SSC5D: variants seen among roughly 807,000 people sequenced by gnomAD.
The protein encoded by SSC5D is scavenger receptor cysteine rich family member with 5 domains, also known as soluble scavenger receptor cysteine-rich domain-containing protein SSC5D.
SSC5D carries 106 observed loss-of-function variants against 104.6 expected under a neutral mutation model. That is an observed-to-expected ratio of 1.01 (90% CI 0.87 to 1.19). The LOEUF (loss-of-function observed/expected upper bound fraction) is 1.19. SSC5D is among the 50% of genes most tolerant of loss of function. The pLI, the probability that SSC5D is intolerant of heterozygous loss-of-function variation, is 0.00. For synonymous variants in SSC5D, 860 were observed against 883.5 expected (o/e 0.97, Z 0.47); for missense variants, 1,993 against 2,153.8 (o/e 0.93, Z 1.48).
Position 55,493,919 on chromosome 19 carries a change from G to A in SSC5D, c.1213+7G>A. 2 of 1,539,318 alleles carry A rather than the reference G, an allele frequency of 1.3e-6. No homozygotes were observed. The highest frequency in any genetic ancestry group is 1.7e-6 in the Non-Finnish European group (2 of 1,145,928). ...GCCGGGGCCGTGTGTGACGGTGAGGGGGTTGTGGTGGAGGACCGGGAGGTG... is the reference window on the plus strand; with the variant it reads ...GCCGGGGCCGTGTGTGACGGTGAGGAGGTTGTGGTGGAGGACCGGGAGGTG... On this transcript the variant is annotated splice_region_variant and intron_variant, in intron 7 of 13. Coordinates refer to ENST00000389623, the MANE Select transcript of SSC5D (RefSeq NM_001144950.2).
chr19:55,507,339 CAAAAAA>C (rs36021371), intron 12 of SSC5D, among the ~76,000 whole-genome samples: 6 of 32,748 alleles, frequency 1.8e-4, no homozygotes, highest in Non-Finnish European at 3.4e-4. Context: ...GACCCCGTCT[CAAAAAA>C]AAAAAAAAAA....
rs1987456559 is a variant in SSC5D, at chr19:55,500,435, G to C, written c.2302+23G>C. The stretch of plus-strand genomic sequence containing the variant: ...CAGGTGAGTGGCCGTGAGGGGTGTG[G>C]GGAGAGAATGGGAGAGGCTGACCCT... On this transcript the variant is annotated intron_variant, in intron 10 of 13. Transcript: ENST00000389623. This position sits in a 1 kb window ranked among gnomAD's most constrained non-coding sequence, Gnocchi z 4.6. 6.5e-7 allele frequency: 1 copy of C among 1,547,962 alleles called. No individual in the cohort carries two copies. Among genetic ancestry groups the C allele is most frequent in the African/African-American group, 1.4e-5 (1 of 72,968 alleles).
At chr19:55,514,294 A>G (rs1987818969) in intron 13 of SSC5D, among the ~76,000 whole-genome samples, 1 of 151,738 alleles carries the variant, frequency 6.6e-6, no homozygotes, top group Non-Finnish European at 1.5e-5. Flanking sequence ...GGTCCCAGCT[A>G]CTCGGGAGGC....
In SSC5D at chr19:55,518,359, TC is replaced by T. The variant is rs1169321464; in HGVS notation, c.4084del (p.Leu1362CysfsTer5). On this transcript the variant is annotated frameshift_variant, in exon 14 of 14. Transcript: ENST00000389623. LOFTEE classifies it low-confidence loss of function (END_TRUNC). ...CTCTAGCACCAACAGTCAAGCCCAG[TC>T]TGCACCCCCAGTTGACCTTCACAGC... is the stretch of plus-strand genomic sequence containing the variant. The part of the protein sequence containing the change: ...PTLAPTVKPS[L>X]HPQLTFTAPA... 2 of 1,550,448 alleles carry T rather than the reference TC, an allele frequency of 1.3e-6. No homozygotes were observed. The highest frequency in any genetic ancestry group is 2.0e-5 in the Admixed American group (1 of 50,842).
intron 7 of SSC5D, 34 bp downstream of exon 7, chr19:55,493,946 GCGTGGTGGTGC>G: frequency 6.8e-7 from 1 of 1,478,092 alleles, no homozygotes; most frequent in South Asian, 1.2e-5. Context: ...CGGGAGGTGG[GCGTGGTGGTGC>G]TTGGAGCGGA....
Position 55,494,724 on chromosome 19 carries a change from C to T in SSC5D, c.1328C>T (p.Ala443Val). 7 of 1,550,354 alleles carry T rather than the reference C, an allele frequency of 4.5e-6. No individual in the cohort carries two copies. Among genetic ancestry groups the T allele is most frequent in the Non-Finnish European group, 4.4e-6 (5 of 1,146,672 alleles). Residue 443 changes from alanine (A) to valine (V), a missense_variant, in exon 8 of 14, where the codon GCA (alanine) becomes GTA (valine). By Grantham distance (64) the Ala-to-Val change is moderately conservative. Coordinates refer to ENST00000389623, the MANE Select transcript of SSC5D (RefSeq NM_001144950.2). ...ATGACGAGCCAGGCTCCAGGGACGG[C>T]AGGCGTTTCACCTCCTCCAGCCTCC... ...STMTSQAPGT[A>V]GVSPPPASPT...
At chr19:55,498,312 T>G in intron 9 of SSC5D, 115 bp downstream of exon 9, 2 of 1,121,422 alleles carry the variant, frequency 1.8e-6, no homozygotes, top group Non-Finnish European at 1.3e-6. Context: ...CTGTGCTGGG[T>G]GTTTTTGCAC....
chr19:55,490,767 C>G lies in SSC5D; in HGVS notation c.587-5C>G. 5 of 1,516,458 alleles carry G rather than the reference C, an allele frequency of 3.3e-6. No individual in the cohort carries two copies. The highest frequency in any genetic ancestry group is 3.5e-6 in the Non-Finnish European group (4 of 1,134,740). 93.9% of individuals were successfully genotyped at this position (1,516,458 alleles called of 1,614,324 possible). A position where few individuals can be genotyped will look rare whatever the true frequency, so the allele number is the denominator to read the frequency against. On this transcript the variant is annotated splice_polypyrimidine_tract_variant and splice_region_variant and intron_variant, in intron 5 of 13. Transcript: ENST00000389623. ...CACACCGTCCCCTCCCTGCTCACCC[C>G]ACAGAGCGGCTGCGCCTGGTCTCTG... is the stretch of plus-strand genomic sequence containing the variant.
chr19:55,506,539 C>T (rs969174020), intron 12 of SSC5D, among the ~76,000 whole-genome samples: 6 of 151,736 alleles, frequency 4.0e-5, no homozygotes, highest in Non-Finnish European at 8.8e-5. Flanking sequence ...GGACTACAGG[C>T]GCCCACCACT....
intron 9 of SSC5D, 108 bp downstream of exon 9, chr19:55,498,305 T>C (rs1987383042): frequency 8.3e-7 from 1 of 1,207,350 alleles, no homozygotes; most frequent in Non-Finnish European, 1.2e-6. Flanking sequence ...CCCAGCCCTG[T>C]GCTGGGTGTT....
chr19:55,493,981 C>CGGGG (rs1406364930), intron 7 of SSC5D, 69 bp downstream of exon 7: 5 of 44,740 alleles, frequency 1.1e-4, no homozygotes, highest in South Asian at 6.8e-4. Context: ...GCAAGTTCGG[C>CGGGG]GGGGGCGGGG....
In SSC5D at chr19:55,491,092, TG is replaced by T. The variant is rs1987132592; in HGVS notation, c.895+16del. 6.5e-7 allele frequency: 1 copy of T among 1,544,234 alleles called. No individual in the cohort carries two copies. On this transcript the variant is annotated intron_variant, in intron 6 of 13. Transcript: ENST00000389623. ...GCTGGTCTGCACCGGTACGTCGGGC[TG>T]GGGCCTGGCCCCCTCCTGTCTTCCT...
intron 9 of SSC5D, 29 bp from the exon 10 acceptor site, chr19:55,499,787 C>G (rs1599920508): frequency 1.3e-6 from 2 of 1,528,172 alleles, no homozygotes; most frequent in African/African-American, 1.4e-5. Context: ...GTGTCTCTGT[C>G]TTCTCTTCCT....
At position 55,518,533 on chromosome 19, in the gene SSC5D, C is replaced by A. The variant is rs572512299; in HGVS notation, c.4257C>A (p.Asn1419Lys). 1.2e-4 allele frequency: 191 copies of A among 1,549,984 alleles called. 1 individual carries two copies. The South Asian group carries it at 2.1e-3, about 17-fold the overall frequency. Reference protein sequence around the residue: ...DFKPPRSQSPNLTPPPTHTPH... With the variant: ...DFKPPRSQSPKLTPPPTHTPH... The stretch of plus-strand genomic sequence containing the variant: ...AGCCACCCAGAAGCCAGAGCCCCAA[C>A]CTAACCCCTCCACCCACCCATACCC... The change falls in exon 14 of 14, where the codon AAC becomes AAA. Residue 1419 changes from asparagine (N) to lysine (K), a missense_variant. Coordinates refer to ENST00000389623, the MANE Select transcript of SSC5D (RefSeq NM_001144950.2).
intron 7 of SSC5D, 138 bp downstream of exon 7, chr19:55,494,050 C>T: frequency 1.2e-6 from 1 of 844,636 alleles, no homozygotes; most frequent in South Asian, 1.7e-5. Context: ...CATCTTATTC[C>T]CCTCTGAATC....
intron 12 of SSC5D, among the ~76,000 whole-genome samples, chr19:55,512,063 G>T (rs573079905): frequency 6.1e-4 from 93 of 151,970 alleles, no homozygotes; most frequent in African/African-American, 2.1e-3. Context: ...TTGAGGCCGG[G>T]CACGGTGGCT....
chr19:55,515,896 A>G lies in SSC5D; in HGVS notation c.2948-1328A>G, dbSNP rs1171468451. ...CTGCAGATGTGAGATTTCATTGCCT[A>G]GACTCTATGTGCAAACAACTTGGGT... On this transcript the variant is annotated intron_variant, in intron 13 of 13. Coordinates refer to ENST00000389623, the MANE Select transcript of SSC5D (RefSeq NM_001144950.2). Among the ~76,000 whole-genome samples the G allele has an allele frequency of 2.0e-5, 3 of 152,274 alleles. No homozygotes were observed. In the East Asian group the frequency reaches 5.8e-4, roughly 29 times the overall value.
chr19:55,507,012 CA>C (rs1334377807), intron 12 of SSC5D, among the ~76,000 whole-genome samples: 1 of 150,862 alleles, frequency 6.6e-6, no homozygotes, highest in Non-Finnish European at 1.5e-5. Context: ...ACTAAAAATA[CA>C]AAAAAATTAG....
chr19:55,505,161 C>A (rs1459396314), intron 12 of SSC5D, among the ~76,000 whole-genome samples: 1 of 151,676 alleles, frequency 6.6e-6, no homozygotes, highest in African/African-American at 2.4e-5. Flanking sequence ...TGTGTGAAAT[C>A]GTTTAAAACC....
Sources: allele counts gnomAD v4.1 joint callset (sites outside exome capture counted in the v4.1 genomes callset), GRCh38; gene constraint gnomAD v4.1.1; non-coding constraint Gnocchi (gnomAD v3.1); transcripts MANE v1.5; gene names NCBI Gene and HGNC (gene_info 2026-07-23, HGNC 2026-07-21).